Variants in PABPC4L observed in about 807,000 individuals in gnomAD.
PABPC4L encodes polyadenylate-binding protein 4-like.
For missense variants in PABPC4L, 452 were observed against 451.4 expected (o/e 1.00, Z -0.01); for synonymous variants, 169 against 164.1 (o/e 1.03, Z -0.23).
the PABPC4L span, among the ~76,000 whole-genome samples, chr4:134,124,663 AT>A: frequency 1.3e-5 from 2 of 151,990 alleles, no homozygotes; most frequent in South Asian, 2.1e-4. Context: ...GGTTTAAACA[AT>A]TTTCTTTCCC....
At chr4:134,157,741 T>G in the PABPC4L span, among the ~76,000 whole-genome samples, 1 of 151,910 alleles carries the variant, frequency 6.6e-6, no homozygotes, top group Non-Finnish European at 1.5e-5. Context: ...TGCATCCTTC[T>G]ATTTTTATCA....
the PABPC4L span, among the ~76,000 whole-genome samples, chr4:134,004,506 C>T: frequency 2.6e-5 from 4 of 151,782 alleles, no homozygotes; most frequent in African/African-American, 9.6e-5. Flanking sequence ...TGGAGAGATC[C>T]TATGTACACT....
the PABPC4L span, among the ~76,000 whole-genome samples, chr4:134,177,887 C>T: frequency 2.0e-5 from 3 of 152,132 alleles, no homozygotes; most frequent in East Asian, 5.9e-4. Flanking sequence ...CCCTCCCCCA[C>T]CATTAATAGC....
the PABPC4L span, among the ~76,000 whole-genome samples, chr4:134,099,879 C>G: frequency 6.6e-6 from 1 of 151,668 alleles, no homozygotes; most frequent in Admixed American, 6.6e-5. Flanking sequence ...TAACACCTAT[C>G]CAGTTTCAAT....
the PABPC4L span, among the ~76,000 whole-genome samples, chr4:133,965,843 TA>T: frequency 6.6e-6 from 1 of 152,136 alleles, no homozygotes; most frequent in Middle Eastern, 3.2e-3. Flanking sequence ...ATGACTTAAC[TA>T]AGACTTGAAA....
chr4:134,010,884 T>C, the PABPC4L span, among the ~76,000 whole-genome samples: 5 of 152,166 alleles, frequency 3.3e-5, no homozygotes, highest in Non-Finnish European at 5.9e-5. Flanking sequence ...TCACACATGT[T>C]ATCTGTTTAG....
At chr4:134,096,894 C>T in the PABPC4L span, among the ~76,000 whole-genome samples, 5 of 151,892 alleles carry the variant, frequency 3.3e-5, no homozygotes, top group Non-Finnish European at 7.4e-5. Context: ...ATGCTACTTG[C>T]ATAACATTCT....
chr4:133,963,435 A>T, the PABPC4L span, among the ~76,000 whole-genome samples: 1 of 152,138 alleles, frequency 6.6e-6, no homozygotes, highest in Non-Finnish European at 1.5e-5. Context: ...ACAGGTCATC[A>T]AGACAGAAAG....
At chr4:133,993,775 G>A in the PABPC4L span, among the ~76,000 whole-genome samples, 14 of 152,236 alleles carry the variant, frequency 9.2e-5, no homozygotes, top group Middle Eastern at 6.8e-3. Context: ...CTTGCAAGTC[G>A]GCTTGATTAT....
the PABPC4L span, among the ~76,000 whole-genome samples, chr4:134,151,735 C>T: frequency 6.6e-6 from 1 of 151,686 alleles, no homozygotes; most frequent in African/African-American, 2.4e-5. Context: ...AAAATTTTAT[C>T]ATGTATTTCT....
chr4:134,174,714 G>T, the PABPC4L span, among the ~76,000 whole-genome samples: 3,416 of 152,068 alleles, frequency 0.022, 132 homozygotes, highest in African/African-American at 0.078. Flanking sequence ...CATTATCTAC[G>T]TAAGTATTCA....
chr4:133,954,784 C>A, the PABPC4L span, among the ~76,000 whole-genome samples: 1 of 152,090 alleles, frequency 6.6e-6, no homozygotes, highest in Non-Finnish European at 1.5e-5. Flanking sequence ...ATTAGGAATT[C>A]TTTACCAACT....
At chr4:134,057,845 T>C in the PABPC4L span, among the ~76,000 whole-genome samples, 5 of 152,118 alleles carry the variant, frequency 3.3e-5, no homozygotes, top group Non-Finnish European at 7.4e-5. Flanking sequence ...GTGCTTATTT[T>C]ATATATAATT....
chr4:134,051,749 C>A, the PABPC4L span, among the ~76,000 whole-genome samples: 2 of 151,992 alleles, frequency 1.3e-5, no homozygotes, highest in Admixed American at 1.3e-4. Context: ...AGTTTCATAG[C>A]CTCTCTAGAA....
chr4:134,102,219 C>T, the PABPC4L span, among the ~76,000 whole-genome samples: 56 of 151,436 alleles, frequency 3.7e-4, no homozygotes, highest in African/African-American at 1.3e-3. Flanking sequence ...AAGAATACTG[C>T]GTGATTTCCT....
the PABPC4L span, among the ~76,000 whole-genome samples, chr4:134,086,292 C>T: frequency 2.0e-5 from 3 of 151,820 alleles, no homozygotes; most frequent in Non-Finnish European, 2.9e-5. Flanking sequence ...TCTATATAAT[C>T]CAGTTCTGAG....
At chr4:134,145,602 T>G in the PABPC4L span, among the ~76,000 whole-genome samples, 1 of 151,720 alleles carries the variant, frequency 6.6e-6, no homozygotes, top group Admixed American at 6.6e-5. Flanking sequence ...GGGGAGAAAA[T>G]GTTATGCTAA....
chr4:134,089,610 T>C, the PABPC4L span, among the ~76,000 whole-genome samples: 2 of 152,132 alleles, frequency 1.3e-5, no homozygotes, highest in African/African-American at 4.8e-5. Flanking sequence ...TTTGTATGTA[T>C]AGGAAAAAAC....
chr4:134,143,809 A>G, the PABPC4L span, among the ~76,000 whole-genome samples: 2 of 151,384 alleles, frequency 1.3e-5, no homozygotes, highest in South Asian at 4.1e-4. Flanking sequence ...CTTTCCTGGA[A>G]TTTTACAGAC....
Sources: gnomAD v4.1 joint callset for allele counts (sites outside exome capture counted in the v4.1 genomes callset) on GRCh38, gnomAD v4.1.1 for gene constraint, MANE v1.5 for transcripts, NCBI Gene and HGNC (gene_info 2026-07-23, HGNC 2026-07-21) for gene names.